PRKD1: variants seen among roughly 807,000 people sequenced by gnomAD.
PRKD1 encodes the protein serine/threonine-protein kinase D1.
PRKD1 carries 63 observed loss-of-function variants against 95.9 expected under a neutral mutation model. The observed-to-expected ratio is 0.66, with a 90% CI of 0.54 to 0.81. The LOEUF is 0.81. PRKD1 is among the 30% of genes least tolerant of loss of function. PRKD1 has a pLI of 0.00. For missense variants in PRKD1, 1,048 were observed against 1,165.3 expected, an observed-to-expected ratio of 0.90 and a Z score of 1.47; for synonymous variants, 425 against 423.1, an observed-to-expected ratio of 1.00 and a Z score of -0.05.
intron 2 of PRKD1, among the ~76,000 whole-genome samples, chr14:29,693,507 G>C (rs1884349061): frequency 6.6e-6 from 1 of 151,754 alleles, no homozygotes; most frequent in African/African-American, 2.4e-5. Flanking sequence ...GAGATTGTTG[G>C]AAAGTTTGAA....
chr14:29,905,143 C>T (rs1894451492), intron 1 of PRKD1, among the ~76,000 whole-genome samples: 1 of 152,146 alleles, frequency 6.6e-6, no homozygotes, highest in African/African-American at 2.4e-5. Context: ...TCTACAGTCA[C>T]CCCTGAGAAG....
At chr14:29,622,838 T>G (rs1458446329) in intron 13 of PRKD1, among the ~76,000 whole-genome samples, 1 of 152,196 alleles carries the variant, frequency 6.6e-6, no homozygotes, top group African/African-American at 2.4e-5. Flanking sequence ...CAGTAAAATA[T>G]AGAAAGATGT....
chr14:29,837,525 C>A (rs1476274813), intron 1 of PRKD1, among the ~76,000 whole-genome samples: 1 of 152,080 alleles, frequency 6.6e-6, no homozygotes, highest in Non-Finnish European at 1.5e-5. Flanking sequence ...TAACTAAAAA[C>A]CTACTTTCAA....
chr14:29,609,718 T>TG (rs1232479022), intron 13 of PRKD1, among the ~76,000 whole-genome samples: 4 of 123,696 alleles, frequency 3.2e-5, no homozygotes, highest in Non-Finnish European at 7.2e-5. Flanking sequence ...TTCTTTATTT[T>TG]TTTTTTTTTT....
At chr14:29,749,576 C>T (rs991194685) in intron 1 of PRKD1, among the ~76,000 whole-genome samples, 1 of 152,166 alleles carries the variant, frequency 6.6e-6, no homozygotes, top group Non-Finnish European at 1.5e-5. Flanking sequence ...GCACATTTAA[C>T]TCAACTGTTT....
At position 29,589,111 on chromosome 14, in the gene PRKD1, G is replaced by C. The variant is rs189210341; in HGVS notation, c.2434+8380C>G. On this transcript the variant is annotated intron_variant, in intron 16 of 17. Coordinates refer to ENST00000331968, the MANE Select transcript of PRKD1 (RefSeq NM_002742.3). ...ATGAAAACTCAGAAGGAAAAAAATA[G>C]CAACTTCTCTGGGAATCTTCATGGC... Among the ~76,000 whole-genome samples, 57 of 152,190 alleles carry C rather than the reference G, an allele frequency of 3.7e-4. No homozygotes were observed. In the East Asian group the frequency reaches 9.5e-3, roughly 25 times the overall value.
At chr14:29,759,239 A>G (rs1027747456) in intron 1 of PRKD1, among the ~76,000 whole-genome samples, 2 of 152,128 alleles carry the variant, frequency 1.3e-5, no homozygotes, top group Non-Finnish European at 2.9e-5. Flanking sequence ...GTATATTATT[A>G]GGACGCAAAA....
In PRKD1 at chr14:29,743,567, A is replaced by G. The variant is rs532826169; in HGVS notation, c.265-17893T>C. Among the ~76,000 whole-genome samples, 5 of 152,316 alleles carry G rather than the reference A, an allele frequency of 3.3e-5. 1 individual carries two copies. In the South Asian group the frequency reaches 1.0e-3, roughly 32 times the overall value. On this transcript the variant is annotated intron_variant, in intron 1 of 17. Coordinates refer to ENST00000331968, the MANE Select transcript of PRKD1 (RefSeq NM_002742.3). ...AGGAAACAGAACATCTTGCCTCACA[A>G]AACTTCAAACACAACAATCAAAATT...
intron 2 of PRKD1, among the ~76,000 whole-genome samples, chr14:29,668,974 ACT>A (rs962549233): frequency 6.6e-6 from 1 of 151,880 alleles, no homozygotes; most frequent in African/African-American, 2.4e-5. Context: ...AACCATATAA[ACT>A]CTCTCAGCCA....
In PRKD1 at chr14:29,638,957, A is replaced by G. The variant is rs937815413; in HGVS notation, c.697-53T>C. ...CAAGATGTAAGAGGCTATTTGATTT[A>G]TATATTTATATATTTTAAGATACCG... On this transcript the variant is annotated intron_variant, in intron 4 of 17. Transcript: ENST00000331968. 5 of 1,322,278 alleles carry G rather than the reference A, an allele frequency of 3.8e-6. No homozygotes were observed. The African/African-American group carries it at 7.5e-5, about 20-fold the overall frequency. The allele number at this position is 1,322,278 out of a possible 1,614,324, so 81.9% of individuals were successfully genotyped here.
intron 1 of PRKD1, among the ~76,000 whole-genome samples, chr14:29,809,527 T>C (rs1007778285): frequency 1.3e-5 from 2 of 152,258 alleles, no homozygotes; most frequent in Admixed American, 6.5e-5. Flanking sequence ...CTGATGCTTC[T>C]ACATCAGCAC....
At position 29,629,053 on chromosome 14, in the gene PRKD1, A is replaced by C. The variant is rs1594376123; in HGVS notation, c.1713T>G (p.Ile571Met). 2 of 1,605,908 alleles carry C rather than the reference A, an allele frequency of 1.2e-6. No individual in the cohort carries two copies. The highest frequency in any genetic ancestry group is 4.5e-5 in the East Asian group (2 of 44,408). ...SVSISVSNCQ[I>M]QENVDISTVY... ...GGTACATACTTACCACATTTTCTTG[A>C]ATCTGGCAATTTGATACTGAAATAC... is the stretch of plus-strand genomic sequence containing the variant. Residue 571 changes from isoleucine (I) to methionine (M), a missense_variant, in exon 11 of 18, where the codon ATT (isoleucine) becomes ATG (methionine). Around this residue, in one of 3 missense-constraint regions of PRKD1, gnomAD observed 739 missense variants for 861.9 expected, o/e 0.86. Transcript: ENST00000331968.
At chr14:29,607,175 T>C (rs1049300547) in intron 13 of PRKD1, among the ~76,000 whole-genome samples, 4 of 152,228 alleles carry the variant, frequency 2.6e-5, no homozygotes, top group African/African-American at 4.8e-5. Flanking sequence ...TTTAGTTTGA[T>C]AACTGAAAGT....
At chr14:29,884,996 G>A (rs534529780) in intron 1 of PRKD1, among the ~76,000 whole-genome samples, 2 of 152,026 alleles carry the variant, frequency 1.3e-5, no homozygotes, top group East Asian at 1.9e-4. Context: ...CGTGGTGGGC[G>A]CCTGTAGTCC....
At chr14:29,816,016 G>A (rs540205027) in intron 1 of PRKD1, among the ~76,000 whole-genome samples, 2 of 152,182 alleles carry the variant, frequency 1.3e-5, no homozygotes, top group African/African-American at 2.4e-5. Flanking sequence ...TCAGGAGATC[G>A]AGACCATCCT....
chr14:29,587,765 G>A (rs1753073086), intron 16 of PRKD1, among the ~76,000 whole-genome samples: 1 of 152,090 alleles, frequency 6.6e-6, no homozygotes, highest in Admixed American at 6.6e-5. Context: ...TATTTTTCAA[G>A]TCATTTTATG....
intron 1 of PRKD1, among the ~76,000 whole-genome samples, chr14:29,783,223 C>T (rs1889125967): frequency 1.3e-5 from 2 of 152,076 alleles, no homozygotes; most frequent in Admixed American, 1.3e-4. Flanking sequence ...AATTTTCTAG[C>T]TTCCACATAT....
At chr14:29,726,438 A>T (rs1312688522) in intron 1 of PRKD1, among the ~76,000 whole-genome samples, 3 of 152,190 alleles carry the variant, frequency 2.0e-5, no homozygotes, top group Non-Finnish European at 4.4e-5. Flanking sequence ...TTTCTGCCAT[A>T]AATTGACATT....
chr14:29,735,077 A>G (rs1886650340), intron 1 of PRKD1, among the ~76,000 whole-genome samples: 1 of 152,182 alleles, frequency 6.6e-6, no homozygotes, highest in Admixed American at 6.5e-5. Context: ...ATTTGTTTAG[A>G]GCAAGAGGGC....
Sources: gnomAD v4.1 joint callset for allele counts (sites outside exome capture counted in the v4.1 genomes callset) on GRCh38, gnomAD v4.1.1 for gene constraint, gnomAD v4.1.1 regional missense constraint, MANE v1.5 for transcripts, NCBI Gene and HGNC (gene_info 2026-07-23, HGNC 2026-07-21) for gene names.